COP1: variants seen among roughly 807,000 people sequenced by gnomAD.
COP1 encodes COP1 E3 ubiquitin ligase, also known as E3 ubiquitin-protein ligase COP1.
Under a neutral mutation model 101.3 loss-of-function variants are expected in COP1, and 24 were observed. The ratio of observed to expected loss-of-function variants is 0.24; its 90% CI spans 0.17 to 0.33. COP1 has a LOEUF of 0.33. COP1 is among the 10% of genes least tolerant of loss of function. COP1 has a pLI of 1.00. For synonymous variants in COP1, 347 were observed against 341.9 expected (o/e 1.01, Z -0.17); for missense variants, 663 against 906.2 (o/e 0.73, Z 3.45).
At chr1:176,172,285 T>C (rs1572671045) in intron 3 of COP1, among the ~76,000 whole-genome samples, 1 of 152,342 alleles carries the variant, frequency 6.6e-6, no homozygotes, top group African/African-American at 2.4e-5. Flanking sequence ...CGAATAAGCC[T>C]CCTGCCTCAG....
At chr1:175,981,707 A>C (rs1443177299) in intron 18 of COP1, among the ~76,000 whole-genome samples, 1 of 152,160 alleles carries the variant, frequency 6.6e-6, no homozygotes, top group African/African-American at 2.4e-5. Context: ...ACAGAGTGAA[A>C]AGACAACATG....
chr1:175,978,082 C>T (rs1038038123), intron 18 of COP1, among the ~76,000 whole-genome samples: 2 of 152,046 alleles, frequency 1.3e-5, no homozygotes, highest in African/African-American at 4.8e-5. Flanking sequence ...AGGATAATGG[C>T]ATAATTCATA....
At chr1:176,058,197 C>A (rs1477917130) in intron 11 of COP1, among the ~76,000 whole-genome samples, 17 of 146,634 alleles carry the variant, frequency 1.2e-4, no homozygotes, top group African/African-American at 4.3e-4. Context: ...GGGGGGTCAG[C>A]CCCTGCCCAG....
At chr1:176,034,798 C>A (rs144099125) in intron 14 of COP1, among the ~76,000 whole-genome samples, 1 of 152,290 alleles carries the variant, frequency 6.6e-6, no homozygotes, top group East Asian at 1.9e-4. Flanking sequence ...CTCTAACTGG[C>A]ATGGGCATTA....
chr1:176,051,631 G>A (rs1422792526), intron 11 of COP1, among the ~76,000 whole-genome samples: 6 of 152,040 alleles, frequency 3.9e-5, no homozygotes, highest in Non-Finnish European at 7.4e-5. Context: ...TCCTTCAGGA[G>A]GTATTCCAGA....
intron 11 of COP1, among the ~76,000 whole-genome samples, chr1:176,051,927 A>AT (rs1317659350): frequency 6.6e-6 from 1 of 152,198 alleles, no homozygotes; most frequent in East Asian, 1.9e-4. Flanking sequence ...TCAAAAAAAA[A>AT]TTTTTAAGTT....
chr1:176,200,477 T>C (rs1160713994), intron 1 of COP1, among the ~76,000 whole-genome samples: 1 of 152,196 alleles, frequency 6.6e-6, no homozygotes, highest in African/African-American at 2.4e-5. Flanking sequence ...GCATGGATCA[T>C]GTGTTCCAAT....
At chr1:175,998,063 T>TAAAAAAAAAAAAAAAA (rs57110017) in intron 15 of COP1, among the ~76,000 whole-genome samples, 49 of 66,812 alleles carry the variant, frequency 7.3e-4, no homozygotes, top group African/African-American at 3.2e-3. Context: ...AGAGTATAAT[T>TAAAAAAAAAAAAAAAA]AAAAAAAAAA....
chr1:175,955,621 A>G (rs554822020), intron 18 of COP1, among the ~76,000 whole-genome samples: 28 of 152,276 alleles, frequency 1.8e-4, no homozygotes, highest in African/African-American at 6.3e-4. Context: ...GAATAAATAA[A>G]TTGTCTTCAG....
At chr1:176,014,760 A>G (rs1245952997) in intron 15 of COP1, among the ~76,000 whole-genome samples, 1 of 152,174 alleles carries the variant, frequency 6.6e-6, no homozygotes, top group Non-Finnish European at 1.5e-5. Flanking sequence ...ACATACATAT[A>G]TATGTACACT....
chr1:175,993,541 G>T (rs183012269), intron 15 of COP1, among the ~76,000 whole-genome samples: 6 of 152,268 alleles, frequency 3.9e-5, no homozygotes, highest in African/African-American at 1.2e-4. Context: ...ATACAGAGAA[G>T]TGCTTAAAGG....
At chr1:176,067,374 G>A (rs1258895732) in intron 11 of COP1, among the ~76,000 whole-genome samples, 2 of 151,970 alleles carry the variant, frequency 1.3e-5, no homozygotes, top group Non-Finnish European at 2.9e-5. Context: ...GGCCCACCGC[G>A]CCCCCATCCT....
intron 18 of COP1, among the ~76,000 whole-genome samples, chr1:175,953,893 TAG>T (rs1650277985): frequency 6.6e-6 from 1 of 151,744 alleles, no homozygotes; most frequent in Non-Finnish European, 1.5e-5. Flanking sequence ...AAAGACTAAG[TAG>T]AGAGAAAATC....
chr1:176,167,355 T>C (rs1695298671), intron 3 of COP1, among the ~76,000 whole-genome samples: 1 of 152,228 alleles, frequency 6.6e-6, no homozygotes, highest in Non-Finnish European at 1.5e-5. Context: ...GATCAGTGTC[T>C]GTCTTGTCCA....
chr1:176,009,171 T>C (rs1664146074), intron 15 of COP1, among the ~76,000 whole-genome samples: 1 of 152,218 alleles, frequency 6.6e-6, no homozygotes, highest in Admixed American at 6.5e-5. Context: ...TTTCAATTTT[T>C]AGCTGTGCCT....
chr1:176,100,240 CT>C, intron 9 of COP1: 1 of 245,266 alleles, frequency 4.1e-6, no homozygotes, highest in Non-Finnish European at 8.5e-6. Context: ...AAATACAAAA[CT>C]TACCAGGTGT....
At chr1:176,178,975 T>A (rs1697356820) in intron 2 of COP1, among the ~76,000 whole-genome samples, 1 of 151,920 alleles carries the variant, frequency 6.6e-6, no homozygotes, top group Admixed American at 6.6e-5. Flanking sequence ...AGGAGAATTT[T>A]TTTTTTTTAG....
intron 18 of COP1, among the ~76,000 whole-genome samples, chr1:175,972,575 C>A (rs1653518355): frequency 1.3e-5 from 2 of 151,516 alleles, no homozygotes; most frequent in South Asian, 4.2e-4. Context: ...AGCGATTCTC[C>A]TGCCTCAGCT....
chr1:176,115,249 G>C (rs1685983041), intron 9 of COP1, among the ~76,000 whole-genome samples: 1 of 151,800 alleles, frequency 6.6e-6, no homozygotes, highest in Non-Finnish European at 1.5e-5. Context: ...AGGAGTTTGA[G>C]ACCAGCCTGG....
Sources: gnomAD v4.1 joint callset for allele counts (sites outside exome capture counted in the v4.1 genomes callset) on GRCh38, gnomAD v4.1.1 for gene constraint, MANE v1.5 for transcripts, NCBI Gene and HGNC (gene_info 2026-07-23, HGNC 2026-07-21) for gene names.